Variants in BAAT observed in about 807,000 individuals in gnomAD.
BAAT encodes the protein bile acid CoA: amino acid N-acyltransferase (glycine N-choloyltransferase).
A neutral mutation model predicts 18.9 loss-of-function variants in BAAT; 13 were observed. The observed-to-expected ratio is 0.69, with a 90% CI of 0.45 to 1.10. BAAT has a LOEUF of 1.10. Among genes scored for constraint, BAAT ranks in the 50% least tolerant of loss-of-function variants. BAAT has a pLI of 0.00. For synonymous variants in BAAT, 170 were observed against 190.7 expected (o/e 0.89, Z 0.89); for missense variants, 489 against 504.0 (o/e 0.97, Z 0.28).
chr9:101,373,528 G>A (rs936416625), intron 1 of BAAT, among the ~76,000 whole-genome samples: 2 of 152,274 alleles, frequency 1.3e-5, no homozygotes, highest in Admixed American at 1.3e-4. Context: ...TGAGAGACAA[G>A]AATGAAGTCT....
At chr9:101,371,950 T>C (rs1829954794) in intron 1 of BAAT, among the ~76,000 whole-genome samples, 1 of 152,016 alleles carries the variant, frequency 6.6e-6, no homozygotes, top group Non-Finnish European at 1.5e-5. Flanking sequence ...AATAGAGGGA[T>C]CATGGAATAG....
At chr9:101,378,024 T>C (rs1341033591) in intron 1 of BAAT, among the ~76,000 whole-genome samples, 2 of 151,864 alleles carry the variant, frequency 1.3e-5, no homozygotes, top group African/African-American at 4.8e-5. Context: ...GAGAATAAAA[T>C]ACATAGGAAT....
intron 1 of BAAT, chr9:101,376,554 AGCAATGGGGTCAC>A (rs1830050587): frequency 6.6e-6 from 1 of 152,388 alleles, no homozygotes; most frequent in Admixed American, 6.6e-5. Context: ...TTTCAGTGGC[AGCAATGGGGTCAC>A]CCTGCCTCCC....
At chr9:101,369,881 A>G (rs1829900197) in intron 2 of BAAT, among the ~76,000 whole-genome samples, 1 of 152,106 alleles carries the variant, frequency 6.6e-6, no homozygotes, top group Non-Finnish European at 1.5e-5. Flanking sequence ...CCACTTATTT[A>G]TTGGTATTTG....
At chr9:101,377,848 A>G (rs1830072516) in intron 1 of BAAT, among the ~76,000 whole-genome samples, 2 of 152,212 alleles carry the variant, frequency 1.3e-5, no homozygotes, top group Admixed American at 1.3e-4. Flanking sequence ...TTCTATATTT[A>G]GAGAACCCCA....
At chr9:101,371,605 T>C (rs1238328281) in intron 1 of BAAT, 142 bp from the exon 2 acceptor site, 4 of 619,052 alleles carry the variant, frequency 6.5e-6, no homozygotes, top group African/African-American at 3.7e-5. Context: ...AGTCTTCTAG[T>C]ACAAGACACC....
At position 101,360,737 on chromosome 9, in the gene BAAT, A is replaced by G; in HGVS notation, c.*1691T>C. 6.5e-6 allele frequency: 1 copy of G among 153,548 alleles called. No homozygotes were observed. 9.5% of individuals were successfully genotyped at this position (153,548 alleles called of 1,614,324 possible). On this transcript the variant is annotated 3_prime_UTR_variant, in exon 4 of 4. Coordinates refer to ENST00000259407, the MANE Select transcript of BAAT (RefSeq NM_001701.4). ...CCCACCAGGCCTCACCTCCAACACT[A>G]GGGATTACATTTCAGCATGAAATTT... is the stretch of plus-strand genomic sequence containing the variant.
At position 101,368,512 on chromosome 9, in the gene BAAT, A is replaced by T. The variant is rs903407744; in HGVS notation, c.467-190T>A. Among the ~76,000 whole-genome samples, 8 of 152,200 alleles carry T rather than the reference A, an allele frequency of 5.3e-5. 1 individual carries two copies. Among genetic ancestry groups the T allele is most frequent in the Admixed American group, 2.0e-4 (3 of 15,274 alleles). ...ATTCAAATGTAATTTTGAAATTAAC[A>T]TTTAAATATTCAAATACAATTCCAA... is the stretch of plus-strand genomic sequence containing the variant. On this transcript the variant is annotated intron_variant, in intron 2 of 3. Coordinates refer to ENST00000259407, the MANE Select transcript of BAAT (RefSeq NM_001701.4).
At position 101,360,899 on chromosome 9, in the gene BAAT, A is replaced by T. The variant is rs1194744692; in HGVS notation, c.*1529T>A. 1 of 157,462 alleles carries T rather than the reference A, an allele frequency of 6.4e-6. No individual in the cohort carries two copies. Among genetic ancestry groups the T allele is most frequent in the African/African-American group, 2.4e-5 (1 of 41,534 alleles). The allele number at this position is 157,462 out of a possible 1,614,324, so 9.8% of individuals were successfully genotyped here. A position where few individuals can be genotyped will look rare whatever the true frequency, so the allele number is the denominator to read the frequency against. On this transcript the variant is annotated 3_prime_UTR_variant, in exon 4 of 4. Coordinates refer to ENST00000259407, the MANE Select transcript of BAAT (RefSeq NM_001701.4). ...TATTCATACAGGAGTGAGATCATTTAGCTGTGACTTTTTACACTTGGAGAA... is the reference window on the plus strand; with the variant it reads ...TATTCATACAGGAGTGAGATCATTTTGCTGTGACTTTTTACACTTGGAGAA...
chr9:101,380,106 A>G (rs559743371), intron 1 of BAAT, among the ~76,000 whole-genome samples: 4 of 152,298 alleles, frequency 2.6e-5, no homozygotes, highest in East Asian at 1.9e-4. Context: ...TAAAAGCCCA[A>G]TTAGAAAGCT....
At chr9:101,376,694 G>T (rs1161725279) in intron 1 of BAAT, 1 of 152,134 alleles carries the variant, frequency 6.6e-6, no homozygotes, top group Non-Finnish European at 1.5e-5. Context: ...TAGCTGCATT[G>T]TTGGAGGCCT....
chr9:101,374,670 T>C (rs540422026), intron 1 of BAAT, among the ~76,000 whole-genome samples: 7 of 152,264 alleles, frequency 4.6e-5, no homozygotes, highest in Admixed American at 2.0e-4. Context: ...AGATCCTAAA[T>C]ACCACTATCA....
At chr9:101,383,758 T>G (rs1051117859) in intron 1 of BAAT, among the ~76,000 whole-genome samples, 1 of 152,218 alleles carries the variant, frequency 6.6e-6, no homozygotes, top group Non-Finnish European at 1.5e-5. Flanking sequence ...TTTAATAATT[T>G]TCTTTATAGA....
rs774938051 is a variant in BAAT, at chr9:101,368,194, G to C, written c.595C>G (p.Leu199Val). 1 of 1,614,176 alleles carries C rather than the reference G, an allele frequency of 6.2e-7. No homozygotes were observed. The change falls in exon 3 of 4, where the codon CTG becomes GTG. Residue 199 changes from leucine (L) to valine (V), a missense_variant. Coordinates refer to ENST00000259407, the MANE Select transcript of BAAT (RefSeq NM_001701.4). ...TCTGTTACTTCTGGTTTGCGGGGCA[G>C]GTCTTCATAGTTATGGTAAGCCAAG... ...LALAYHNYED[L>V]PRKPEVTDLE... is the part of the protein sequence containing the mutation.
chr9:101,369,365 A>T (rs1031798218), intron 2 of BAAT, among the ~76,000 whole-genome samples: 22 of 152,254 alleles, frequency 1.4e-4, no homozygotes, highest in African/African-American at 4.3e-4. Context: ...TGTTTTTACC[A>T]TCTGATTGAC....
intron 3 of BAAT, among the ~76,000 whole-genome samples, chr9:101,363,721 C>T (rs1484536522): frequency 6.6e-6 from 1 of 151,474 alleles, no homozygotes; most frequent in Admixed American, 6.6e-5. Context: ...AGACTGCCAA[C>T]CCAGATTAGC....
rs371895882 is a variant in BAAT, at chr9:101,365,995, C to G, written c.669+2125G>C. ...TCTTTGGGGTAAGAACATTTAAAAT[C>G]TAATCTTTTAGCAATTTGGAAATAT... On this transcript the variant is annotated intron_variant, in intron 3 of 3. Coordinates refer to ENST00000259407, the MANE Select transcript of BAAT (RefSeq NM_001701.4). 5.9e-5 allele frequency among the ~76,000 whole-genome samples: 9 copies of G among 152,132 alleles called. No homozygotes were observed. The East Asian group carries it at 1.2e-3, about 20-fold the overall frequency.
intron 1 of BAAT, chr9:101,376,104 C>A: frequency 6.7e-6 from 1 of 149,430 alleles, no homozygotes. Flanking sequence ...TATTTCCATT[C>A]TTGGTAAAAT....
Position 101,370,941 on chromosome 9 carries a change from G to A in BAAT, c.464C>T (p.Pro155Leu). ...ATAAGCAGAGTAATTCTACTCACCT[G>A]GAGGGAGAAAGAGAGCTCCTCGAAG... ...GRLRGALFLP[P>L]GEGLFPGVID... is the part of the protein sequence containing the mutation. Residue 155 changes from proline to leucine, a missense_variant and splice_region_variant, in exon 2 of 4, where the codon CCA (proline) becomes CTA (leucine). Pro to Leu is a moderately conservative substitution (Grantham distance 98, BLOSUM62 -3). Transcript: ENST00000259407. The A allele has an allele frequency of 1.2e-6, 2 of 1,613,972 alleles. No homozygotes were observed. The highest frequency in any genetic ancestry group is 2.2e-5 in the South Asian group (2 of 91,076).
Sources: gnomAD v4.1 joint callset for allele counts (sites outside exome capture counted in the v4.1 genomes callset) on GRCh38, gnomAD v4.1.1 for gene constraint, MANE v1.5 for transcripts, NCBI Gene and HGNC (gene_info 2026-07-23, HGNC 2026-07-21) for gene names.